CCDC171: variants seen among roughly 807,000 people sequenced by gnomAD.
CCDC171 encodes coiled-coil domain containing 171.
In CCDC171, 177 loss-of-function variants were observed where a neutral mutation model predicts 168.2. The observed-to-expected ratio is 1.05, with a 90% CI of 0.93 to 1.19. The LOEUF (loss-of-function observed/expected upper bound fraction) is 1.19. Ranked by LOEUF, CCDC171 falls within the 50% of genes most tolerant of loss-of-function variation. The pLI, the probability that CCDC171 is intolerant of heterozygous loss-of-function variation, is 0.00. For synonymous variants in CCDC171, 687 were observed against 540.8 expected, an observed-to-expected ratio of 1.27 and a Z score of -3.75; for missense variants, 1,991 against 1,539.0, an observed-to-expected ratio of 1.29 and a Z score of -4.91.
chr9:15,937,723 C>T (rs1450348732), intron 25 of CCDC171, among the ~76,000 whole-genome samples: 1 of 151,850 alleles, frequency 6.6e-6, no homozygotes, highest in Non-Finnish European at 1.5e-5. Context: ...AGCTTAATAC[C>T]TAAGAGAGAG....
At chr9:15,952,692 C>A (rs545552579) in intron 25 of CCDC171, among the ~76,000 whole-genome samples, 1 of 152,056 alleles carries the variant, frequency 6.6e-6, no homozygotes, top group Non-Finnish European at 1.5e-5. Context: ...CCACCGCGCG[C>A]GGCCAGATTT....
At chr9:15,725,057 GT>G in intron 14 of CCDC171, 81 bp downstream of exon 14, 1 of 1,035,882 alleles carries the variant, frequency 9.7e-7, no homozygotes, top group Non-Finnish European at 1.5e-6. Flanking sequence ...ATTTTTACTT[GT>G]ATTTAATTAA....
At chr9:15,676,516 C>T (rs1456963168) in intron 9 of CCDC171, among the ~76,000 whole-genome samples, 1 of 151,828 alleles carries the variant, frequency 6.6e-6, no homozygotes, top group Non-Finnish European at 1.5e-5. Context: ...TCCTATTTGG[C>T]CATCTTGGAA....
intron 1 of CCDC171, among the ~76,000 whole-genome samples, chr9:15,555,421 A>G (rs1021623175): frequency 2.6e-5 from 4 of 152,160 alleles, no homozygotes; most frequent in East Asian, 1.9e-4. Context: ...GGTCTGAGTA[A>G]TCTTTTGTTG....
At chr9:16,092,367 C>G in the CCDC171 span, among the ~76,000 whole-genome samples, 1 of 152,110 alleles carries the variant, frequency 6.6e-6, no homozygotes, top group Non-Finnish European at 1.5e-5. Flanking sequence ...GTGGGTGGCC[C>G]CCTCAGGCAC....
chr9:16,095,900 A>G, the CCDC171 span, among the ~76,000 whole-genome samples: 1 of 134,492 alleles, frequency 7.4e-6, no homozygotes, highest in Non-Finnish European at 1.6e-5. Context: ...ATATATATAT[A>G]CTGCCTCCAA....
intron 6 of CCDC171, among the ~76,000 whole-genome samples, chr9:15,606,019 C>T (rs1227805842): frequency 1.3e-5 from 2 of 152,062 alleles, no homozygotes; most frequent in Non-Finnish European, 2.9e-5. Flanking sequence ...ACACACATAC[C>T]TATGATAACG....
intron 7 of CCDC171, among the ~76,000 whole-genome samples, chr9:15,645,259 A>G (rs985034313): frequency 6.6e-6 from 1 of 152,220 alleles, no homozygotes; most frequent in Non-Finnish European, 1.5e-5. Flanking sequence ...ATCAAAGACC[A>G]AAGGTAGATA....
intron 3 of CCDC171, among the ~76,000 whole-genome samples, chr9:15,578,643 T>C (rs1400802547): frequency 2.6e-5 from 4 of 151,652 alleles, no homozygotes; most frequent in Non-Finnish European, 5.9e-5. Flanking sequence ...ATTTTTTTTT[T>C]CCTCTAGTGG....
chr9:15,892,429 T>G (rs139061507), intron 24 of CCDC171, among the ~76,000 whole-genome samples: 1 of 152,154 alleles, frequency 6.6e-6, no homozygotes, highest in East Asian at 1.9e-4. Context: ...TGAATTTTAT[T>G]GAAGGCCTTT....
intron 21 of CCDC171, among the ~76,000 whole-genome samples, chr9:15,805,348 G>T (rs1199204164): frequency 6.6e-6 from 1 of 151,798 alleles, no homozygotes; most frequent in Admixed American, 6.6e-5. Context: ...TTGTTGACTC[G>T]AGACCTTTGT....
intron 24 of CCDC171, among the ~76,000 whole-genome samples, chr9:15,918,018 C>A (rs1204666624): frequency 6.6e-6 from 1 of 151,564 alleles, no homozygotes; most frequent in Non-Finnish European, 1.5e-5. Context: ...TTTTAGAGTG[C>A]TTTCTTATAT....
chr9:15,944,840 CTTTCT>C (rs1564040516), intron 25 of CCDC171, among the ~76,000 whole-genome samples: 1 of 143,224 alleles, frequency 7.0e-6, no homozygotes, highest in African/African-American at 2.7e-5. Flanking sequence ...TTTCTTTTTT[CTTTCT>C]TTCTTTCTTT....
At chr9:15,722,153 GA>G (rs137933883) in intron 12 of CCDC171, among the ~76,000 whole-genome samples, 2,601 of 152,196 alleles carry the variant, frequency 0.017, 95 homozygotes, top group African/African-American at 0.059. Flanking sequence ...TTAACTTAAT[GA>G]AAAACACTAT....
intron 10 of CCDC171, among the ~76,000 whole-genome samples, chr9:15,690,477 TGTTATA>T (rs1306727236): frequency 6.6e-6 from 1 of 152,116 alleles, no homozygotes; most frequent in Non-Finnish European, 1.5e-5. Context: ...CAACTTGTTA[TGTTATA>T]ATGATAAGTA....
At chr9:15,825,521 C>T (rs763265386) in intron 21 of CCDC171, among the ~76,000 whole-genome samples, 12 of 152,004 alleles carry the variant, frequency 7.9e-5, no homozygotes, top group Non-Finnish European at 1.5e-4. Context: ...ATAAATTGGT[C>T]CAATGTCACA....
At chr9:15,657,717 T>A (rs2048042806) in intron 8 of CCDC171, among the ~76,000 whole-genome samples, 2 of 152,220 alleles carry the variant, frequency 1.3e-5, no homozygotes, top group Non-Finnish European at 2.9e-5. Flanking sequence ...ACTATATATC[T>A]ATCTCCAGAT....
chr9:15,665,720 G>C (rs983703473), intron 8 of CCDC171, among the ~76,000 whole-genome samples: 5 of 152,228 alleles, frequency 3.3e-5, no homozygotes, highest in Non-Finnish European at 7.3e-5. Flanking sequence ...ATTCAAGGCT[G>C]CAGTGAGCTA....
chr9:15,611,508 C>A (rs183928), intron 6 of CCDC171, among the ~76,000 whole-genome samples: 82,867 of 151,958 alleles, frequency 0.55, 22,880 homozygotes, highest in East Asian at 0.76. Context: ...GAAATCTTTC[C>A]GTCTCCTCCT....
Sources: allele counts gnomAD v4.1 joint callset (sites outside exome capture counted in the v4.1 genomes callset), GRCh38; gene constraint gnomAD v4.1.1; transcripts MANE v1.5; gene names NCBI Gene and HGNC (gene_info 2026-07-23, HGNC 2026-07-21).